The following FHIP2A variants were observed in gnomAD, a reference collection of about 807,000 sequenced individuals.
FHIP2A encodes family with sequence similarity 160 member B1.
In FHIP2A, 46 loss-of-function variants were observed where a neutral mutation model predicts 93.5. The observed-to-expected ratio is 0.49, with a 90% CI of 0.39 to 0.63. FHIP2A has a LOEUF of 0.63. Ranked by LOEUF, FHIP2A falls within the 20% of genes least tolerant of loss-of-function variation. FHIP2A has a pLI of 0.00. For synonymous variants in FHIP2A, 332 were observed against 326.5 expected (o/e 1.02, Z -0.18); for missense variants, 769 against 909.7 (o/e 0.85, Z 1.99).
chr10:114,856,531 G>A (rs541229750), intron 14 of FHIP2A, among the ~76,000 whole-genome samples: 1 of 152,280 alleles, frequency 6.6e-6, no homozygotes, highest in East Asian at 1.9e-4. Context: ...CTTGTTGCTT[G>A]ATTAAGCTAA....
chr10:114,829,786 T>G (rs1038781506), intron 1 of FHIP2A, among the ~76,000 whole-genome samples: 1 of 152,206 alleles, frequency 6.6e-6, no homozygotes, highest in African/African-American at 2.4e-5. Flanking sequence ...TCTCTTTCAC[T>G]CTTTAAGGAA....
chr10:114,834,161 C>T (rs74158073), intron 3 of FHIP2A, among the ~76,000 whole-genome samples: 5,953 of 152,272 alleles, frequency 0.039, 332 homozygotes, highest in African/African-American at 0.12. Context: ...CCTGTAGACA[C>T]ATTTTTATGA....
chr10:114,824,522 C>T (rs2083562332), intron 1 of FHIP2A, among the ~76,000 whole-genome samples: 1 of 152,154 alleles, frequency 6.6e-6, no homozygotes, highest in South Asian at 2.1e-4. Context: ...TCATTTGTGG[C>T]ACCACCCATC....
At chr10:114,841,292 G>GTTTTT (rs397845509) in intron 5 of FHIP2A, among the ~76,000 whole-genome samples, 6 of 125,056 alleles carry the variant, frequency 4.8e-5, no homozygotes, top group Non-Finnish European at 8.1e-5. Flanking sequence ...TATGCCATTG[G>GTTTTT]TTTTTTTTTT....
At chr10:114,844,088 A>T (rs371469416) in intron 7 of FHIP2A, 151 bp downstream of exon 7, 6 of 539,208 alleles carry the variant, frequency 1.1e-5, no homozygotes, top group African/African-American at 5.8e-5. Context: ...AGCTTGTATT[A>T]ATCAGTGGTA....
chr10:114,863,889 G>T lies in FHIP2A; in HGVS notation c.*2349G>T. On this transcript the variant is annotated 3_prime_UTR_variant, in exon 17 of 17. Coordinates refer to ENST00000369248, the MANE Select transcript of FHIP2A (RefSeq NM_020940.4). ...GCTTCACATTTGTATCAATAAATAT[G>T]CACATTTTTTAAAACTTTCTAACAA... is the stretch of plus-strand genomic sequence containing the variant. The T allele has an allele frequency of 2.8e-6, 3 of 1,079,086 alleles. No homozygotes were observed. Among genetic ancestry groups the T allele is most frequent in the East Asian group, 9.2e-5 (1 of 10,904 alleles). 66.8% of individuals were successfully genotyped at this position (1,079,086 alleles called of 1,614,324 possible).
chr10:114,837,729 A>T (rs1379157444), intron 5 of FHIP2A, among the ~76,000 whole-genome samples: 4 of 152,196 alleles, frequency 2.6e-5, no homozygotes, highest in Non-Finnish European at 4.4e-5. Context: ...CCTAGCAGTC[A>T]CTGATCTATT....
At position 114,848,697 on chromosome 10, in the gene FHIP2A, G is replaced by T. The variant is rs192657630; in HGVS notation, c.1763G>T (p.Gly588Val). 1 of 1,613,156 alleles carries T rather than the reference G, an allele frequency of 6.2e-7. No individual in the cohort carries two copies. Among genetic ancestry groups the T allele is most frequent in the Non-Finnish European group, 8.5e-7 (1 of 1,179,682 alleles). The part of the protein sequence containing the change: ...DDAKSSYHVE[G>V]TGYDTYLRDA... ...GCAAAATCCTCCTACCATGTTGAGG[G>T]CACAGGATATGACACTTACCTCCGA... Residue 588 changes from glycine to valine, a missense_variant, in exon 13 of 17, where the codon GGC becomes GTC. By Grantham distance (109) the Gly-to-Val change is moderately radical (BLOSUM62 -3). Coordinates refer to ENST00000369248, the MANE Select transcript of FHIP2A (RefSeq NM_020940.4).
At chr10:114,896,913 GT>G (rs1484545947) in intron 16 of FHIP2A, among the ~76,000 whole-genome samples, 1 of 152,148 alleles carries the variant, frequency 6.6e-6, no homozygotes, top group Non-Finnish European at 1.5e-5. Flanking sequence ...TATGTAAAAA[GT>G]AAAGTAAAGG....
intron 7 of FHIP2A, among the ~76,000 whole-genome samples, chr10:114,844,782 T>C (rs138782335): frequency 4.6e-5 from 7 of 152,164 alleles, no homozygotes; most frequent in Non-Finnish European, 8.8e-5. Context: ...CACTGTTTTT[T>C]TGTTTGTTTG....
At chr10:114,880,471 G>C (rs1417110740) in intron 16 of FHIP2A, among the ~76,000 whole-genome samples, 1 of 152,210 alleles carries the variant, frequency 6.6e-6, no homozygotes, top group Non-Finnish European at 1.5e-5. Context: ...CATGAGGCCA[G>C]GAGTTGGAGA....
Position 114,846,581 on chromosome 10 carries a change from T to C in FHIP2A, c.1421T>C (p.Met474Thr). The C allele has an allele frequency of 6.2e-7, 1 of 1,601,172 alleles. No individual in the cohort carries two copies. Among genetic ancestry groups the C allele is most frequent in the Non-Finnish European group, 8.5e-7 (1 of 1,176,746 alleles). Residue 474 changes from methionine to threonine, a missense_variant, in exon 11 of 17, where the codon ATG (methionine) becomes ACG (threonine). By Grantham distance (81) the Met-to-Thr change is moderately conservative. Transcript: ENST00000369248. ...SDEISIMTLR[M>T]FEHLLQKPNE... is the part of the protein sequence containing the mutation. ...CAGATAAGCATAATGACATTACGAATGTTTGAACATCTTTTACAAAAACCC... is the reference window on the plus strand; with the variant it reads ...CAGATAAGCATAATGACATTACGAACGTTTGAACATCTTTTACAAAAACCC...
intron 13 of FHIP2A, among the ~76,000 whole-genome samples, chr10:114,851,738 C>CAAAAAAAAAA (rs1206308259): frequency 6.9e-5 from 5 of 72,664 alleles, no homozygotes; most frequent in African/African-American, 1.5e-4. Context: ...AAAAAAAAAG[C>CAAAAAAAAAA]AATTGAAATT....
intron 16 of FHIP2A, among the ~76,000 whole-genome samples, chr10:114,883,945 G>A (rs919105197): frequency 2.0e-5 from 3 of 152,272 alleles, no homozygotes; most frequent in Non-Finnish European, 4.4e-5. Context: ...GGTGTGACCA[G>A]ATAGTAAAGA....
intron 1 of FHIP2A, among the ~76,000 whole-genome samples, chr10:114,826,650 G>T (rs568186721): frequency 3.9e-5 from 6 of 152,268 alleles, no homozygotes; most frequent in African/African-American, 1.4e-4. Flanking sequence ...AGGCAGAGAA[G>T]ATGGGGAAGG....
chr10:114,859,359 A>G (rs1306666758), intron 14 of FHIP2A, among the ~76,000 whole-genome samples: 4 of 152,220 alleles, frequency 2.6e-5, no homozygotes, highest in African/African-American at 9.6e-5. Flanking sequence ...AGCATTCTCC[A>G]CTGAATGCCA....
intron 5 of FHIP2A, among the ~76,000 whole-genome samples, chr10:114,839,068 A>G (rs1213000179): frequency 6.6e-6 from 1 of 152,154 alleles, no homozygotes; most frequent in Non-Finnish European, 1.5e-5. Flanking sequence ...AGCATAATGC[A>G]TAGGAACTGC....
In FHIP2A at chr10:114,846,612, G is replaced by A. The variant is rs1176073735; in HGVS notation, c.1452G>A (p.Glu484=). 5.6e-6 allele frequency: 9 copies of A among 1,611,448 alleles called. No individual in the cohort carries two copies. The highest frequency in any genetic ancestry group is 2.2e-5 in the South Asian group (2 of 90,268). ...AACATCTTTTACAAAAACCCAATGAGCACATTCTTTACAACTTGGTCTTGA... is the reference window on the plus strand; with the variant it reads ...AACATCTTTTACAAAAACCCAATGAACACATTCTTTACAACTTGGTCTTGA... The part of the protein sequence containing the change: ...MFEHLLQKPN[E]HILYNLVLRN... Residue 484 remains glutamate (E), a synonymous_variant, in exon 11 of 17, where the codon GAG becomes GAA. Coordinates refer to ENST00000369248, the MANE Select transcript of FHIP2A (RefSeq NM_020940.4).
At chr10:114,833,467 G>C in intron 3 of FHIP2A, 65 bp downstream of exon 3, 1 of 1,419,532 alleles carries the variant, frequency 7.0e-7, no homozygotes, top group Non-Finnish European at 9.8e-7. Flanking sequence ...TACGAATAAA[G>C]AAGCTGCCAA....
Sources: gnomAD v4.1 joint callset for allele counts (sites outside exome capture counted in the v4.1 genomes callset) on GRCh38, gnomAD v4.1.1 for gene constraint, MANE v1.5 for transcripts, NCBI Gene and HGNC (gene_info 2026-07-23, HGNC 2026-07-21) for gene names.